Variants in GPAT4 observed in about 807,000 individuals in gnomAD.
The protein encoded by GPAT4 is 1-AGP acyltransferase 6.
In GPAT4, 17 loss-of-function variants were observed where a neutral mutation model predicts 58.0. The observed-to-expected ratio is 0.29, with a 90% confidence interval of 0.20 to 0.44. The LOEUF (loss-of-function observed/expected upper bound fraction) is 0.44. Ranked by LOEUF, GPAT4 falls within the 20% of genes least tolerant of loss-of-function variation. GPAT4 has a pLI of 1.00. For synonymous variants in GPAT4, 204 were observed against 210.1 expected, an observed-to-expected ratio of 0.97 and a Z score of 0.25; for missense variants, 377 against 574.5, an observed-to-expected ratio of 0.66 and a Z score of 3.51.
chr8:41,587,564 T>C (rs774637362), intron 1 of GPAT4, among the ~76,000 whole-genome samples: 30 of 152,224 alleles, frequency 2.0e-4, no homozygotes, highest in Non-Finnish European at 3.8e-4. Flanking sequence ...CATTTGGGGC[T>C]GGACAGTTCC....
chr8:41,601,395 T>C (rs1028436394), intron 2 of GPAT4, among the ~76,000 whole-genome samples: 2 of 152,222 alleles, frequency 1.3e-5, no homozygotes, highest in Admixed American at 6.5e-5. Flanking sequence ...TCATATATTT[T>C]AGTCCAAGAA....
intron 10 of GPAT4, among the ~76,000 whole-genome samples, chr8:41,617,297 G>A (rs1192497872): frequency 1.3e-5 from 2 of 152,126 alleles, no homozygotes; most frequent in Non-Finnish European, 2.9e-5. Context: ...CTGGGAGGTG[G>A]AGCTTGCAGT....
chr8:41,611,956 TG>T lies in GPAT4; in HGVS notation c.666del (p.Arg223GlufsTer3). 6.2e-7 allele frequency: 1 copy of T among 1,614,210 alleles called. No homozygotes were observed. Among genetic ancestry groups the T allele is most frequent in the Non-Finnish European group, 8.5e-7 (1 of 1,180,036 alleles). ...HVHLMCYRICVRALTAIITYH... is the reference protein window; with the variant it reads ...HVHLMCYRICXRALTAIITYH... ...CACTTAATGTGTTACCGGATCTGCG[TG>T]CGAGCGCTGACAGCCATCATCACCT... On this transcript the variant is annotated frameshift_variant, in exon 6 of 13. Coordinates refer to ENST00000396987, the MANE Select transcript of GPAT4 (RefSeq NM_178819.4). LOFTEE classifies it high-confidence loss of function.
rs373364715 is a variant in GPAT4, at chr8:41,610,826, C to T, written c.611+16C>T. 1.3e-4 allele frequency: 210 copies of T among 1,591,194 alleles called. No homozygotes were observed. Among genetic ancestry groups the T allele is most frequent in the Non-Finnish European group, 1.7e-4 (193 of 1,169,278 alleles). ...CAAATGGGAGGTGAGTAGAGTGTGG[C>T]AGTCCATGCCTGAAGGACAGTTAGT... On this transcript the variant is annotated intron_variant, in intron 5 of 12. Coordinates refer to ENST00000396987, the MANE Select transcript of GPAT4 (RefSeq NM_178819.4).
At chr8:41,606,961 A>G (rs1028692245) in intron 2 of GPAT4, among the ~76,000 whole-genome samples, 1 of 152,146 alleles carries the variant, frequency 6.6e-6, no homozygotes, top group Non-Finnish European at 1.5e-5. Context: ...ACAGATGCAA[A>G]TTCCTCCTAC....
In GPAT4 at chr8:41,609,386, C is replaced by T. The variant is rs765302945; in HGVS notation, c.166-30C>T. On this transcript the variant is annotated intron_variant, in intron 2 of 12. Coordinates refer to ENST00000396987, the MANE Select transcript of GPAT4 (RefSeq NM_178819.4). Reference sequence around the variant, plus strand: ...TGATTGAAAACAGGTCTCATTCTTGCTCTTGTATCTTGCTTCCTTCCCCTC... The same window carrying T: ...TGATTGAAAACAGGTCTCATTCTTGTTCTTGTATCTTGCTTCCTTCCCCTC... 5.5e-5 allele frequency: 89 copies of T among 1,605,744 alleles called. 1 individual carries two copies. The highest frequency in any genetic ancestry group is 1.2e-4 in the Admixed American group (7 of 59,912).
chr8:41,600,153 T>G (rs936040381), intron 2 of GPAT4, among the ~76,000 whole-genome samples: 1 of 149,464 alleles, frequency 6.7e-6, no homozygotes, highest in African/African-American at 2.5e-5. Flanking sequence ...ATTCACCTGC[T>G]TCAGCCTCCT....
At position 41,623,851 on chromosome 8, in the gene GPAT4, T is replaced by C. The variant is rs1476575195; in HGVS notation, c.*2850T>C. Reference sequence around the variant, plus strand: ...CCAGTTAGGGAACTTTTTTTTTTTTTTTAAACACGGAGTTTCACTCTTGTT... The same window carrying C: ...CCAGTTAGGGAACTTTTTTTTTTTTCTTAAACACGGAGTTTCACTCTTGTT... On this transcript the variant is annotated 3_prime_UTR_variant, in exon 13 of 13. Coordinates refer to ENST00000396987, the MANE Select transcript of GPAT4 (RefSeq NM_178819.4). 2.6e-5 allele frequency: 4 copies of C among 152,320 alleles called. No homozygotes were observed. The East Asian group carries it at 7.7e-4, about 29-fold the overall frequency. 9.4% of individuals were successfully genotyped at this position (152,320 alleles called of 1,614,324 possible).
chr8:41,603,167 A>G (rs1430433448), intron 2 of GPAT4, among the ~76,000 whole-genome samples: 1 of 152,160 alleles, frequency 6.6e-6, no homozygotes, highest in Non-Finnish European at 1.5e-5. Context: ...AAGTTCAGAG[A>G]TCGTCTTCAT....
rs540854841 is a variant in GPAT4, at chr8:41,584,744, GT to G, written c.-849+6470del. 16 of 152,062 alleles carry G rather than the reference GT, an allele frequency of 1.1e-4. No homozygotes were observed. In the East Asian group the frequency reaches 3.1e-3, roughly 29 times the overall value. The allele number at this position is 152,062 out of a possible 1,614,324, so 9.4% of individuals were successfully genotyped here. A position where few individuals can be genotyped will look rare whatever the true frequency, so the allele number is the denominator to read the frequency against. ...TCATCAAAATAGCCTCTTTTTTTTG[GT>G]TTTGTTTTCTGTTTTTTGTTTTGCC... On this transcript the variant is annotated intron_variant, in intron 1 of 12. Transcript: ENST00000396987.
At chr8:41,612,373 G>A (rs1165995546) in intron 7 of GPAT4, 100 bp downstream of exon 7, 18 of 1,189,296 alleles carry the variant, frequency 1.5e-5, no homozygotes, top group East Asian at 4.7e-5. Context: ...ACATTTATGC[G>A]TGGGCCAGGC....
At position 41,611,999 on chromosome 8, in the gene GPAT4, G is replaced by A. The variant is rs1402735113; in HGVS notation, c.701+7G>A. 1.9e-6 allele frequency: 3 copies of A among 1,613,896 alleles called. No homozygotes were observed. The highest frequency in any genetic ancestry group is 2.5e-6 in the Non-Finnish European group (3 of 1,179,846). The stretch of plus-strand genomic sequence containing the variant: ...TCATCACCTACCATGACAGGTGAGA[G>A]CGCTTTGTATTGATAGGAAGGGAGA... On this transcript the variant is annotated splice_region_variant and intron_variant, in intron 6 of 12. Coordinates refer to ENST00000396987, the MANE Select transcript of GPAT4 (RefSeq NM_178819.4).
At chr8:41,594,759 A>C (rs1224846632) in intron 1 of GPAT4, among the ~76,000 whole-genome samples, 2 of 151,908 alleles carry the variant, frequency 1.3e-5, no homozygotes, top group Non-Finnish European at 2.9e-5. Context: ...GTTAGCCAGG[A>C]TGGTCTCCAT....
At chr8:41,599,333 TCA>T in intron 2 of GPAT4, 29 bp downstream of exon 2, 1 of 1,612,512 alleles carries the variant, frequency 6.2e-7, no homozygotes, top group African/African-American at 1.3e-5. Context: ...AAAGGTTGCT[TCA>T]CAGAGGAGGG....
chr8:41,612,277 A>G lies in GPAT4; in HGVS notation c.795+4A>G. Reference sequence around the variant, plus strand: ...CAGCGATGGCTATTATGCCATGGTAAGAGCTCTTTCCGGTGCGTTCTTGAG... The same window carrying G: ...CAGCGATGGCTATTATGCCATGGTAGGAGCTCTTTCCGGTGCGTTCTTGAG... On this transcript the variant is annotated splice_donor_region_variant and intron_variant, in intron 7 of 12. Coordinates refer to ENST00000396987, the MANE Select transcript of GPAT4 (RefSeq NM_178819.4). The G allele has an allele frequency of 6.2e-7, 1 of 1,614,210 alleles. No individual in the cohort carries two copies. Among genetic ancestry groups the G allele is most frequent in the Non-Finnish European group, 8.5e-7 (1 of 1,179,994 alleles).
chr8:41,607,779 T>C (rs934889752), intron 2 of GPAT4, among the ~76,000 whole-genome samples: 6 of 152,158 alleles, frequency 3.9e-5, no homozygotes, highest in Non-Finnish European at 8.8e-5. Context: ...TCTTTCTGCC[T>C]TGGCCTCCCA....
In GPAT4 at chr8:41,612,733, C is replaced by T. The variant is rs572241595; in HGVS notation, c.796-112C>T. On this transcript the variant is annotated intron_variant, in intron 7 of 12. Transcript: ENST00000396987. The stretch of plus-strand genomic sequence containing the variant: ...CAGTGAGCAACCTTCAGCCGGCAAG[C>T]GTTAGAAGTGAGAAGTTGGACTGCT... 18 of 899,404 alleles carry T rather than the reference C, an allele frequency of 2.0e-5. No individual in the cohort carries two copies. In the African/African-American group the frequency reaches 2.5e-4, roughly 13 times the overall value. 55.7% of individuals were successfully genotyped at this position (899,404 alleles called of 1,614,324 possible).
chr8:41,620,782 T>G, intron 12 of GPAT4, 111 bp from the exon 13 acceptor site: 1 of 1,490,412 alleles, frequency 6.7e-7, no homozygotes, highest in Non-Finnish European at 9.0e-7. Flanking sequence ...CGGGGTACCC[T>G]GTTTCTGGCA....
At position 41,621,276 on chromosome 8, in the gene GPAT4, A is replaced by G. The variant is rs1215605164; in HGVS notation, c.*275A>G. 2.1e-6 allele frequency: 1 copy of G among 470,664 alleles called. No individual in the cohort carries two copies. The highest frequency in any genetic ancestry group is 3.9e-6 in the Non-Finnish European group (1 of 258,444). The allele number at this position is 470,664 out of a possible 1,614,324, so 29.2% of individuals were successfully genotyped here. On this transcript the variant is annotated 3_prime_UTR_variant, in exon 13 of 13. Coordinates refer to ENST00000396987, the MANE Select transcript of GPAT4 (RefSeq NM_178819.4). ...AATAAGTCGTTGGAGGAATGCCATT[A>G]AAGTGAACTCCCCACCTTTGCACGC...
Sources: gnomAD v4.1 joint callset for allele counts (sites outside exome capture counted in the v4.1 genomes callset) on GRCh38, gnomAD v4.1.1 for gene constraint, MANE v1.5 for transcripts, NCBI Gene and HGNC (gene_info 2026-07-23, HGNC 2026-07-21) for gene names.